TMEM132B: variants seen among roughly 807,000 people sequenced by gnomAD.
The protein encoded by TMEM132B is transmembrane protein 132B.
In TMEM132B, 18 loss-of-function variants were observed where a neutral mutation model predicts 90.8. That is an observed-to-expected ratio of 0.20 (90% CI 0.14 to 0.29). TMEM132B has a LOEUF of 0.29. Ranked by LOEUF, TMEM132B falls within the 10% of genes least tolerant of loss-of-function variation. The pLI is 1.00. For synonymous variants in TMEM132B, 504 were observed against 523.3 expected, an observed-to-expected ratio of 0.96 and a Z score of 0.50; for missense variants, 1,096 against 1,326.8, an observed-to-expected ratio of 0.83 and a Z score of 2.70.
intron 5 of TMEM132B, among the ~76,000 whole-genome samples, chr12:125,620,513 ATGTGC>A (rs1886091391): frequency 6.6e-6 from 1 of 152,212 alleles, no homozygotes; most frequent in African/African-American, 2.4e-5. Context: ...AACCAGCTTA[ATGTGC>A]TGTCTTTCTC....
At chr12:125,571,838 C>G (rs1180314002) in intron 4 of TMEM132B, among the ~76,000 whole-genome samples, 1 of 152,200 alleles carries the variant, frequency 6.6e-6, no homozygotes, top group Non-Finnish European at 1.5e-5. Context: ...ATGTCAGTAT[C>G]AGGAAATGAA....
chr12:125,660,787 G>A lies in TMEM132B; in HGVS notation c.*6077G>A, dbSNP rs1275705802. On this transcript the variant is annotated 3_prime_UTR_variant, in exon 9 of 9. Transcript: ENST00000682704. ...TTTCTTTGGATTTAATGCTGCTCTT[G>A]GTCAGTTGTTCAAATGAAACATTGT... The A allele has an allele frequency of 2.0e-5, 3 of 152,116 alleles. No homozygotes were observed. Among genetic ancestry groups the A allele is most frequent in the Non-Finnish European group, 4.4e-5 (3 of 68,008 alleles). 9.4% of individuals were successfully genotyped at this position (152,116 alleles called of 1,614,324 possible).
chr12:125,644,795 C>T (rs1886719141), intron 6 of TMEM132B, among the ~76,000 whole-genome samples: 1 of 152,152 alleles, frequency 6.6e-6, no homozygotes, highest in African/African-American at 2.4e-5. Context: ...TTAACCCCAG[C>T]TTTACAACTT....
At chr12:125,546,782 G>GTA (rs1332019198) in intron 4 of TMEM132B, among the ~76,000 whole-genome samples, 1 of 152,090 alleles carries the variant, frequency 6.6e-6, no homozygotes, top group East Asian at 1.9e-4. Context: ...TTTCTCTTGG[G>GTA]TATATACCTA....
At chr12:125,628,920 G>T (rs901916336) in intron 5 of TMEM132B, among the ~76,000 whole-genome samples, 1 of 152,090 alleles carries the variant, frequency 6.6e-6, no homozygotes, top group Non-Finnish European at 1.5e-5. Flanking sequence ...TTTCCCCAGT[G>T]TATGTTCTTG....
At chr12:125,276,132 G>A (rs919297012) in intron 1 of TMEM132B, among the ~76,000 whole-genome samples, 2 of 152,212 alleles carry the variant, frequency 1.3e-5, no homozygotes, top group Non-Finnish European at 2.9e-5. Flanking sequence ...AGTGCCAGTG[G>A]TGCCTTTTAT....
At chr12:125,628,730 G>C (rs1886290471) in intron 5 of TMEM132B, among the ~76,000 whole-genome samples, 1 of 152,244 alleles carries the variant, frequency 6.6e-6, no homozygotes, top group South Asian at 2.1e-4. Flanking sequence ...GCCCAGACCA[G>C]TGTTCTGGAG....
chr12:125,304,128 A>G (rs1011572416), intron 1 of TMEM132B, among the ~76,000 whole-genome samples: 1 of 152,260 alleles, frequency 6.6e-6, no homozygotes, highest in Non-Finnish European at 1.5e-5. Context: ...TCGCATGCGC[A>G]GTTCACAATA....
intron 1 of TMEM132B, among the ~76,000 whole-genome samples, chr12:125,227,171 C>T (rs1873701425): frequency 6.6e-6 from 1 of 152,144 alleles, no homozygotes; most frequent in African/African-American, 2.4e-5. Flanking sequence ...GGCCCAGTTG[C>T]CTGCAGTGTT....
At chr12:125,614,656 G>C (rs1885944355) in intron 5 of TMEM132B, among the ~76,000 whole-genome samples, 2 of 152,276 alleles carry the variant, frequency 1.3e-5, no homozygotes, top group African/African-American at 4.8e-5. Context: ...GTAGAAAAAA[G>C]AGAACACTTT....
At chr12:125,471,319 A>G (rs1218649018) in intron 3 of TMEM132B, among the ~76,000 whole-genome samples, 1 of 152,228 alleles carries the variant, frequency 6.6e-6, no homozygotes, top group Non-Finnish European at 1.5e-5. Flanking sequence ...TAGAGATGAA[A>G]TAAAAATGAA....
At chr12:125,438,961 A>T (rs1483330013) in intron 3 of TMEM132B, among the ~76,000 whole-genome samples, 3 of 152,054 alleles carry the variant, frequency 2.0e-5, no homozygotes, top group African/African-American at 7.2e-5. Context: ...TTATTTTCCC[A>T]TTCTTCTGTT....
intron 3 of TMEM132B, among the ~76,000 whole-genome samples, chr12:125,457,059 GC>G (rs1363526479): frequency 6.6e-6 from 1 of 152,104 alleles, no homozygotes; most frequent in Non-Finnish European, 1.5e-5. Context: ...GGGCTCTGCT[GC>G]CTGCAACCTG....
Position 125,378,245 on chromosome 12 carries a change from T to G in TMEM132B, c.959+27902T>G, listed in dbSNP as rs7953429. 2.3e-3 allele frequency among the ~76,000 whole-genome samples: 356 copies of G among 152,238 alleles called. 2 individuals are homozygous for G. The highest frequency in any genetic ancestry group is 8.0e-3 in the African/African-American group (333 of 41,538). The stretch of plus-strand genomic sequence containing the variant: ...CGGCTTGTCACTAATTCCAGGAAAC[T>G]GTGTGGTATCATGGAAAAAGCATGA... On this transcript the variant is annotated intron_variant, in intron 2 of 8. Coordinates refer to ENST00000682704, the MANE Select transcript of TMEM132B (RefSeq NM_001366854.1).
rs117550470 is a variant in TMEM132B at position 125,618,501 on chromosome 12, A to C, written c.1438-25575A>C. 6.4e-3 allele frequency among the ~76,000 whole-genome samples: 972 copies of C among 152,184 alleles called. 5 individuals carry two copies. The highest frequency in any genetic ancestry group is 0.011 in the Non-Finnish European group (762 of 68,014). ...TTGACCACATCTGTCTGAAATAGAG[A>C]TTCTGTTATTCTTAGCTGAGTAGTG... On this transcript the variant is annotated intron_variant, in intron 5 of 8. Coordinates refer to ENST00000682704, the MANE Select transcript of TMEM132B (RefSeq NM_001366854.1).
chr12:125,643,072 G>A (rs564818105), intron 5 of TMEM132B, among the ~76,000 whole-genome samples: 14 of 152,122 alleles, frequency 9.2e-5, no homozygotes, highest in Non-Finnish European at 2.1e-4. Context: ...TAGGCAGTTG[G>A]GCACGTGTGT....
intron 1 of TMEM132B, among the ~76,000 whole-genome samples, chr12:125,242,604 C>G (rs1037670182): frequency 2.6e-5 from 4 of 152,196 alleles, no homozygotes; most frequent in Non-Finnish European, 5.9e-5. Context: ...TGTCCCTTTC[C>G]CTCTCCACAT....
intron 3 of TMEM132B, among the ~76,000 whole-genome samples, chr12:125,422,549 C>G (rs1880199539): frequency 6.6e-6 from 1 of 152,186 alleles, no homozygotes; most frequent in African/African-American, 2.4e-5. Context: ...TCTATGTCCT[C>G]CTCCCCAGAA....
chr12:125,338,930 A>C (rs1425151084), intron 1 of TMEM132B, among the ~76,000 whole-genome samples: 1 of 152,208 alleles, frequency 6.6e-6, no homozygotes, highest in Non-Finnish European at 1.5e-5. Flanking sequence ...TGAAGGAAGA[A>C]TGTCAATATT....
Sources: gnomAD v4.1 joint callset for allele counts (sites outside exome capture counted in the v4.1 genomes callset) on GRCh38, gnomAD v4.1.1 for gene constraint, MANE v1.5 for transcripts, NCBI Gene and HGNC (gene_info 2026-07-23, HGNC 2026-07-21) for gene names.